The following PLA2G4A variants were observed in gnomAD, a reference collection of about 807,000 sequenced individuals.
PLA2G4A encodes the protein phospholipase A2 group IVA.
PLA2G4A carries 40 observed loss-of-function variants against 81.9 expected under a neutral mutation model. The observed-to-expected ratio is 0.49, with a 90% CI of 0.38 to 0.64. PLA2G4A has a LOEUF of 0.64. Ranked by LOEUF, PLA2G4A falls within the 30% of genes least tolerant of loss-of-function variation. The pLI is 0.00. For synonymous variants in PLA2G4A, 302 were observed against 296.9 expected (o/e 1.02, Z -0.18); for missense variants, 715 against 905.1 (o/e 0.79, Z 2.69).
At chr1:186,967,606 G>T (rs1157498736) in intron 15 of PLA2G4A, among the ~76,000 whole-genome samples, 2 of 152,070 alleles carry the variant, frequency 1.3e-5, no homozygotes, top group African/African-American at 2.4e-5. Flanking sequence ...CTATTAAATA[G>T]TCATTGACAT....
At chr1:186,861,599 C>T (rs1652805439) in intron 2 of PLA2G4A, among the ~76,000 whole-genome samples, 1 of 152,170 alleles carries the variant, frequency 6.6e-6, no homozygotes, top group South Asian at 2.1e-4. Context: ...ACTTCTTTCA[C>T]AGTCAGTCAG....
At chr1:186,892,167 C>T (rs994838915) in intron 3 of PLA2G4A, among the ~76,000 whole-genome samples, 2 of 152,010 alleles carry the variant, frequency 1.3e-5, no homozygotes, top group African/African-American at 2.4e-5. Context: ...GTTTTTTGAG[C>T]TCCTTATATA....
chr1:186,832,447 G>A (rs1324745312), intron 1 of PLA2G4A, among the ~76,000 whole-genome samples: 1 of 152,034 alleles, frequency 6.6e-6, no homozygotes, highest in Non-Finnish European at 1.5e-5. Flanking sequence ...AAATCTCATG[G>A]AATGCTAGTG....
In PLA2G4A at chr1:186,932,822, T is replaced by C. The variant is rs1433951890; in HGVS notation, c.618T>C (p.Ser206=). ...GTTTCCGAGCCATGGTGGGATTCTC[T>C]GGTGTGATGAAGGCATTATACGAAT... ...GGGFRAMVGF[S]GVMKALYESG... The change falls in exon 8 of 18, where the codon TCT becomes TCC. Residue 206 remains serine, a synonymous_variant. Coordinates refer to ENST00000367466, the MANE Select transcript of PLA2G4A (RefSeq NM_024420.3). The C allele has an allele frequency of 8.7e-6, 14 of 1,613,324 alleles. No individual in the cohort carries two copies. The East Asian group carries it at 3.1e-4, about 36-fold the overall frequency.
chr1:186,906,274 C>T (rs1165794392), intron 5 of PLA2G4A, among the ~76,000 whole-genome samples: 4 of 152,190 alleles, frequency 2.6e-5, no homozygotes, highest in African/African-American at 9.7e-5. Flanking sequence ...GGAAAGACAA[C>T]TCTTAATATC....
At chr1:186,858,671 A>T (rs968903152) in intron 2 of PLA2G4A, among the ~76,000 whole-genome samples, 7 of 152,116 alleles carry the variant, frequency 4.6e-5, no homozygotes, top group Non-Finnish European at 8.8e-5. Context: ...TGTTAACTAT[A>T]GCAACATATT....
chr1:186,907,011 AT>A lies in PLA2G4A; in HGVS notation c.416+12del. 7.0e-7 allele frequency: 1 copy of A among 1,430,964 alleles called. No individual in the cohort carries two copies. The highest frequency in any genetic ancestry group is 9.9e-7 in the Non-Finnish European group (1 of 1,014,580). The allele number at this position is 1,430,964 out of a possible 1,614,324, so 88.6% of individuals were successfully genotyped here. On this transcript the variant is annotated intron_variant, in intron 6 of 17. Coordinates refer to ENST00000367466, the MANE Select transcript of PLA2G4A (RefSeq NM_024420.3). ...ATGTCTCTTGAAGTTTGGTAAGTGC[AT>A]TTATTTAGTTGGATGAGAAATATTG...
chr1:186,860,536 A>G (rs551840316), intron 2 of PLA2G4A, among the ~76,000 whole-genome samples: 10 of 152,198 alleles, frequency 6.6e-5, no homozygotes, highest in Non-Finnish European at 1.3e-4. Context: ...AGGGCAATCT[A>G]CTTTACTGAG....
chr1:186,973,183 A>C (rs950941395), intron 15 of PLA2G4A, among the ~76,000 whole-genome samples: 1 of 152,190 alleles, frequency 6.6e-6, no homozygotes, highest in East Asian at 1.9e-4. Flanking sequence ...CGGAGGGCAG[A>C]AGTTGAAATT....
chr1:186,880,226 T>C (rs913351155), intron 3 of PLA2G4A, among the ~76,000 whole-genome samples: 4 of 152,024 alleles, frequency 2.6e-5, no homozygotes, highest in African/African-American at 7.2e-5. Flanking sequence ...ACAGCTTGAA[T>C]GTAGATTGAG....
intron 12 of PLA2G4A, 41 bp downstream of exon 12, chr1:186,947,002 C>A: frequency 4.6e-6 from 5 of 1,081,692 alleles, no homozygotes; most frequent in South Asian, 3.7e-5. Context: ...AATCTTGCTA[C>A]ATTGATAAAG....
At chr1:186,841,284 A>T (rs566695718) in intron 1 of PLA2G4A, among the ~76,000 whole-genome samples, 1 of 152,228 alleles carries the variant, frequency 6.6e-6, no homozygotes, top group Non-Finnish European at 1.5e-5. Flanking sequence ...GGAGAAATTC[A>T]GTTATTTGTT....
chr1:186,840,799 T>C (rs1571324302), intron 1 of PLA2G4A, among the ~76,000 whole-genome samples: 1 of 152,198 alleles, frequency 6.6e-6, no homozygotes, highest in South Asian at 2.1e-4. Flanking sequence ...TGGCTTTCCA[T>C]GCTGTGGAAA....
intron 1 of PLA2G4A, among the ~76,000 whole-genome samples, chr1:186,853,467 A>T (rs1363680061): frequency 3.3e-5 from 5 of 151,916 alleles, no homozygotes; most frequent in Admixed American, 3.3e-4. Flanking sequence ...ATCACTAAAA[A>T]TTTAAAACGA....
intron 7 of PLA2G4A, among the ~76,000 whole-genome samples, chr1:186,912,744 A>AG (rs1654996859): frequency 7.0e-6 from 1 of 143,844 alleles, no homozygotes; most frequent in Non-Finnish European, 1.5e-5. Flanking sequence ...ATATATACAT[A>AG]TATATGTATA....
intron 13 of PLA2G4A, among the ~76,000 whole-genome samples, chr1:186,953,429 G>C (rs1383124982): frequency 6.6e-6 from 1 of 152,080 alleles, no homozygotes; most frequent in Non-Finnish European, 1.5e-5. Flanking sequence ...TCTTATTATT[G>C]AATTTAAAGT....
At chr1:186,976,261 G>A (rs904389141) in intron 15 of PLA2G4A, among the ~76,000 whole-genome samples, 2 of 152,154 alleles carry the variant, frequency 1.3e-5, no homozygotes, top group African/African-American at 4.8e-5. Flanking sequence ...GAGATGACAA[G>A]AGTAGTTAAA....
At chr1:186,865,373 G>C (rs1571346152) in intron 2 of PLA2G4A, among the ~76,000 whole-genome samples, 2 of 152,168 alleles carry the variant, frequency 1.3e-5, no homozygotes, top group South Asian at 4.1e-4. Context: ...TCTTTAAAAA[G>C]TGTAGGTGAA....
At chr1:186,983,099 A>AT (rs1657782379) in intron 17 of PLA2G4A, among the ~76,000 whole-genome samples, 1 of 143,802 alleles carries the variant, frequency 7.0e-6, no homozygotes, top group Non-Finnish European at 1.5e-5. Context: ...AAAAAAAAAA[A>AT]GAAAAGAAAA....
Sources: allele counts gnomAD v4.1 joint callset (sites outside exome capture counted in the v4.1 genomes callset), GRCh38; gene constraint gnomAD v4.1.1; transcripts MANE v1.5; gene names NCBI Gene and HGNC (gene_info 2026-07-23, HGNC 2026-07-21).